The following PDE7B variants were observed in gnomAD, a reference collection of about 807,000 sequenced individuals.
PDE7B encodes 3',5'-cyclic-AMP phosphodiesterase 7B.
In PDE7B, 29 loss-of-function variants were observed where a neutral mutation model predicts 56.2. The ratio of observed to expected loss-of-function variants is 0.52; its 90% CI spans 0.38 to 0.70. The LOEUF (loss-of-function observed/expected upper bound fraction) is 0.70. Among genes scored for constraint, PDE7B ranks in the 30% least tolerant of loss-of-function variants. PDE7B has a pLI of 0.00. For missense variants in PDE7B, 490 were observed against 565.0 expected, an observed-to-expected ratio of 0.87 and a Z score of 1.35; for synonymous variants, 197 against 196.9, an observed-to-expected ratio of 1.00 and a Z score of 0.00.
In PDE7B at chr6:136,110,711, CA is replaced by C. The variant is rs1378191433; in HGVS notation, c.166+1898del. ...TTATCTACATCATAGGATTCTGCAA[CA>C]TTTTTTTTTTTTTTTTTTTTTACAA... On this transcript the variant is annotated intron_variant, in intron 3 of 12. Transcript: ENST00000308191. Among the ~76,000 whole-genome samples, 1,068 of 138,632 alleles carry C rather than the reference CA, an allele frequency of 7.7e-3. 6 individuals carry two copies. The highest frequency in any genetic ancestry group is 0.028 in the African/African-American group (980 of 35,352). 90.9% of individuals were successfully genotyped at this position (138,632 alleles called of 152,430 possible).
chr6:136,086,130 A>G lies in PDE7B; in HGVS notation c.83-22601A>G, dbSNP rs556723469. 2.1e-3 allele frequency among the ~76,000 whole-genome samples: 317 copies of G among 152,288 alleles called. 2 individuals carry two copies. The highest frequency in any genetic ancestry group is 3.3e-3 in the Non-Finnish European group (226 of 68,026). ...TTCCCACCAAAATGCCTCTTTGTCAAAGGAGAATTCTTTCCATTATTCTGT... is the reference window on the plus strand; with the variant it reads ...TTCCCACCAAAATGCCTCTTTGTCAGAGGAGAATTCTTTCCATTATTCTGT... On this transcript the variant is annotated intron_variant, in intron 2 of 12. Coordinates refer to ENST00000308191, the MANE Select transcript of PDE7B (RefSeq NM_018945.4).
intron 2 of PDE7B, chr6:136,098,136 G>GC (rs957386148): frequency 1.6e-5 from 2 of 121,656 alleles, no homozygotes; most frequent in African/African-American, 4.1e-5. Flanking sequence ...TAGTTCCTGG[G>GC]GGGGGGGGGG....
intron 2 of PDE7B, among the ~76,000 whole-genome samples, chr6:136,006,690 T>C (rs1300828951): frequency 6.6e-6 from 1 of 152,152 alleles, no homozygotes; most frequent in Non-Finnish European, 1.5e-5. Context: ...TGGGATTGCC[T>C]TCCTAATTTG....
chr6:135,941,849 T>A (rs545133301), intron 1 of PDE7B, among the ~76,000 whole-genome samples: 1 of 152,340 alleles, frequency 6.6e-6, no homozygotes, highest in Non-Finnish European at 1.5e-5. Context: ...TTTCCACTGT[T>A]CTGAAGATAT....
At chr6:136,051,622 C>T (rs1025615763) in intron 2 of PDE7B, among the ~76,000 whole-genome samples, 4 of 152,096 alleles carry the variant, frequency 2.6e-5, no homozygotes, top group South Asian at 2.1e-4. Context: ...TGGATGGGGC[C>T]GAGTGTTAAT....
intron 2 of PDE7B, among the ~76,000 whole-genome samples, chr6:136,010,439 C>T (rs1490806277): frequency 7.2e-6 from 1 of 139,514 alleles, no homozygotes; most frequent in Admixed American, 7.5e-5. Flanking sequence ...GAGTTTCACT[C>T]CTGTTACTCA....
intron 1 of PDE7B, among the ~76,000 whole-genome samples, chr6:135,935,283 A>C (rs1273167604): frequency 7.1e-6 from 1 of 140,984 alleles, no homozygotes; most frequent in East Asian, 2.1e-4. Flanking sequence ...TCAACACTGA[A>C]AGAATGGAGA....
At chr6:136,066,374 G>A (rs561192501) in intron 2 of PDE7B, among the ~76,000 whole-genome samples, 4 of 152,082 alleles carry the variant, frequency 2.6e-5, no homozygotes, top group African/African-American at 4.8e-5. Context: ...GGATGACTCC[G>A]AACCAAATAC....
At chr6:135,907,657 TAGAC>T (rs60876765) in intron 1 of PDE7B, among the ~76,000 whole-genome samples, 1,663 of 152,234 alleles carry the variant, frequency 0.011, 27 homozygotes, top group African/African-American at 0.037. Context: ...AAAAAGTAGT[TAGAC>T]AATGTAATTT....
At chr6:136,109,697 G>T (rs1777710989) in intron 3 of PDE7B, among the ~76,000 whole-genome samples, 1 of 152,050 alleles carries the variant, frequency 6.6e-6, no homozygotes, top group Admixed American at 6.6e-5. Flanking sequence ...CTCAACCTTT[G>T]GTCCACAATT....
intron 1 of PDE7B, among the ~76,000 whole-genome samples, chr6:135,857,057 CCTTCCTCCCTTCCTTCCTT>C (rs1775048310): frequency 7.5e-6 from 1 of 133,974 alleles, no homozygotes; most frequent in African/African-American, 2.9e-5. Flanking sequence ...TCCCTCCCTT[CCTTCCTCCCTTCCTTCCTT>C]CCTTTTCATT....
At chr6:136,050,095 C>G (rs1248839698) in intron 2 of PDE7B, among the ~76,000 whole-genome samples, 1 of 152,166 alleles carries the variant, frequency 6.6e-6, no homozygotes, top group African/African-American at 2.4e-5. Flanking sequence ...CATGGTCTAA[C>G]CCTGAAGCCG....
At chr6:135,912,376 A>G (rs1262901630) in intron 1 of PDE7B, among the ~76,000 whole-genome samples, 1 of 152,240 alleles carries the variant, frequency 6.6e-6, no homozygotes, top group Non-Finnish European at 1.5e-5. Context: ...TTTACTTTTT[A>G]TTAGGTATTA....
intron 4 of PDE7B, among the ~76,000 whole-genome samples, chr6:136,148,677 G>A (rs187355881): frequency 2.0e-3 from 311 of 152,184 alleles, no homozygotes; most frequent in African/African-American, 7.1e-3. Flanking sequence ...CCCCAGCCCT[G>A]GAATGTCACT....
In PDE7B at chr6:135,915,176, A is replaced by G. The variant is rs1562437623; in HGVS notation, c.22-32288A>G. The stretch of plus-strand genomic sequence containing the variant: ...ATTATTATTCTAATGTGTGTATACC[A>G]AAATTTAACTGCCTATTCCCCAGTT... On this transcript the variant is annotated intron_variant, in intron 1 of 12. Coordinates refer to ENST00000308191, the MANE Select transcript of PDE7B (RefSeq NM_018945.4). Among the ~76,000 whole-genome samples the G allele has an allele frequency of 2.0e-5, 3 of 152,234 alleles. No individual in the cohort carries two copies. In the South Asian group the frequency reaches 6.2e-4, roughly 32 times the overall value.
intron 2 of PDE7B, among the ~76,000 whole-genome samples, chr6:136,055,427 T>C (rs551133273): frequency 2.0e-5 from 3 of 152,330 alleles, no homozygotes; most frequent in East Asian, 3.9e-4. Flanking sequence ...ACTTCATTGG[T>C]AGTCCCTCAG....
Position 135,994,509 on chromosome 6 carries a change from T to C in PDE7B, c.82+46985T>C, listed in dbSNP as rs373646716. Among the ~76,000 whole-genome samples, 15 of 152,286 alleles carry C rather than the reference T, an allele frequency of 9.8e-5. 1 individual carries two copies. Among genetic ancestry groups the C allele is most frequent in the Admixed American group, 5.2e-4 (8 of 15,294 alleles). ...TTTTGCAGCAAAGCACATGTATAAA[T>C]GGATTCAGAGTTAGAAAGCCATTAA... On this transcript the variant is annotated intron_variant, in intron 2 of 12. Transcript: ENST00000308191.
chr6:136,133,983 A>G (rs958332812), intron 3 of PDE7B, among the ~76,000 whole-genome samples: 1 of 152,166 alleles, frequency 6.6e-6, no homozygotes, highest in Non-Finnish European at 1.5e-5. Flanking sequence ...TGGAAAAGTA[A>G]GTTGGCCTCA....
chr6:135,962,365 G>A (rs902158954), intron 2 of PDE7B, among the ~76,000 whole-genome samples: 16 of 152,106 alleles, frequency 1.1e-4, no homozygotes, highest in Non-Finnish European at 2.2e-4. Flanking sequence ...ATGTGCAGGT[G>A]GGGAGGGTCA....
Sources: allele counts gnomAD v4.1 joint callset (sites outside exome capture counted in the v4.1 genomes callset), GRCh38; gene constraint gnomAD v4.1.1; transcripts MANE v1.5; gene names NCBI Gene and HGNC (gene_info 2026-07-23, HGNC 2026-07-21).